CAMK4: variants seen among roughly 807,000 people sequenced by gnomAD.
The protein encoded by CAMK4 is calcium/calmodulin dependent protein kinase IV, also known as calcium/calmodulin-dependent protein kinase type IV.
CAMK4 carries 22 observed loss-of-function variants against 44.9 expected under a neutral mutation model. The ratio of observed to expected loss-of-function variants is 0.49; its 90% CI spans 0.35 to 0.70. The LOEUF (loss-of-function observed/expected upper bound fraction) is 0.70, where lower values mean the gene tolerates loss of function less well. CAMK4 is among the 30% of genes least tolerant of loss of function. The pLI, the probability that CAMK4 is intolerant of heterozygous loss-of-function variation, is 0.01. For missense variants in CAMK4, 498 were observed against 586.8 expected (o/e 0.85, Z 1.56); for synonymous variants, 218 against 215.4 (o/e 1.01, Z -0.11).
chr5:111,474,238 C>T (rs1197764427), intron 8 of CAMK4, among the ~76,000 whole-genome samples: 1 of 152,188 alleles, frequency 6.6e-6, no homozygotes, highest in Non-Finnish European at 1.5e-5. Context: ...AGTAGGTATA[C>T]TAGTCTACCT....
intron 1 of CAMK4, among the ~76,000 whole-genome samples, chr5:111,239,860 A>G (rs147245422): frequency 1.3e-5 from 2 of 152,358 alleles, no homozygotes; most frequent in African/African-American, 4.8e-5. Flanking sequence ...AGGAGGCCTT[A>G]GTAATTCTCT....
At chr5:111,332,823 A>C (rs999671530) in intron 1 of CAMK4, among the ~76,000 whole-genome samples, 6 of 151,648 alleles carry the variant, frequency 4.0e-5, no homozygotes, top group Admixed American at 6.6e-5. Flanking sequence ...CCATTAGAAA[A>C]TTACAACCAA....
intron 4 of CAMK4, among the ~76,000 whole-genome samples, chr5:111,383,965 C>T (rs1198449627): frequency 1.3e-5 from 2 of 152,128 alleles, no homozygotes; most frequent in African/African-American, 4.8e-5. Flanking sequence ...AATATATAGA[C>T]AGAAGCAAAA....
At chr5:111,302,164 A>T (rs1747747399) in intron 1 of CAMK4, 1 of 152,208 alleles carries the variant, frequency 6.6e-6, no homozygotes. Flanking sequence ...TTAGCTGTAA[A>T]TTAAACATTT....
At chr5:111,382,004 C>T (rs1751435011) in intron 4 of CAMK4, among the ~76,000 whole-genome samples, 1 of 152,082 alleles carries the variant, frequency 6.6e-6, no homozygotes, top group South Asian at 2.1e-4. Context: ...CTTTTAGGGC[C>T]TCACTTTCTT....
intron 5 of CAMK4, among the ~76,000 whole-genome samples, chr5:111,418,371 AT>A (rs1358937840): frequency 1.3e-5 from 2 of 152,126 alleles, no homozygotes; most frequent in African/African-American, 2.4e-5. Context: ...GGACCACAGG[AT>A]GGGGTGAAAT....
chr5:111,267,255 TA>T (rs1750288153), intron 1 of CAMK4, among the ~76,000 whole-genome samples: 1 of 152,218 alleles, frequency 6.6e-6, no homozygotes, highest in African/African-American at 2.4e-5. Context: ...TTCAAGATCG[TA>T]ATTTGGGCCC....
chr5:111,312,273 G>C (rs370312065), intron 1 of CAMK4, among the ~76,000 whole-genome samples: 17 of 152,242 alleles, frequency 1.1e-4, no homozygotes, highest in Admixed American at 6.5e-4. Context: ...ATATCATGGT[G>C]GTTATAGGCG....
chr5:111,382,992 G>C (rs1359526896), intron 4 of CAMK4, among the ~76,000 whole-genome samples: 1 of 152,108 alleles, frequency 6.6e-6, no homozygotes, highest in Admixed American at 6.6e-5. Flanking sequence ...CTTATACTTT[G>C]ATTTGGACTA....
At chr5:111,270,695 T>C (rs1297464240) in intron 1 of CAMK4, among the ~76,000 whole-genome samples, 1 of 152,222 alleles carries the variant, frequency 6.6e-6, no homozygotes, top group Non-Finnish European at 1.5e-5. Flanking sequence ...TCCCCAATTC[T>C]ATTCTTCATG....
At chr5:111,400,017 G>A (rs552190520) in intron 5 of CAMK4, among the ~76,000 whole-genome samples, 3 of 152,260 alleles carry the variant, frequency 2.0e-5, no homozygotes, top group Admixed American at 6.5e-5. Flanking sequence ...TCCAGATAGG[G>A]GTGCCCCACA....
intron 5 of CAMK4, 107 bp from the exon 6 acceptor site, chr5:111,446,579 T>C: frequency 1.6e-6 from 1 of 638,346 alleles, no homozygotes; most frequent in East Asian, 2.8e-5. Flanking sequence ...AGTCATACTA[T>C]GTGTGTTCTT....
intron 5 of CAMK4, among the ~76,000 whole-genome samples, chr5:111,424,480 T>A (rs1396914291): frequency 7.2e-6 from 1 of 139,162 alleles, no homozygotes; most frequent in Non-Finnish European, 1.5e-5. Context: ...AGTCTCGCTC[T>A]GTCGCCCAGG....
chr5:111,224,196 G>A, upstream of CAMK4: 1 of 280,010 alleles, frequency 3.6e-6, no homozygotes, highest in Non-Finnish European at 6.5e-6. This position sits in a 1 kb window ranked among gnomAD's most constrained non-coding sequence, Gnocchi z 5.7. Context: ...AGGAGGGCGG[G>A]TGAGGAGGGA....
At chr5:111,249,384 A>G (rs1174828902) in intron 1 of CAMK4, among the ~76,000 whole-genome samples, 1 of 151,830 alleles carries the variant, frequency 6.6e-6, no homozygotes, top group African/African-American at 2.4e-5. Context: ...GTTAAAAAAT[A>G]TAATCTAAAT....
Position 111,224,819 on chromosome 5 carries a change from A to G in CAMK4, c.161+175A>G, listed in dbSNP as rs375680711. Among the ~76,000 whole-genome samples, 476 of 150,954 alleles carry G rather than the reference A, an allele frequency of 3.2e-3. 4 individuals carry two copies. Among genetic ancestry groups the G allele is most frequent in the African/African-American group, 0.011 (464 of 41,066 alleles). On this transcript the variant is annotated intron_variant, in intron 1 of 10. Transcript: ENST00000282356. The surrounding 1 kb of genome is among the most constrained non-coding windows in gnomAD (Gnocchi z 5.7). ...TTCAGGTGCGGCTCGAGTCCTTCCC[A>G]CCCCACCAGAGCGCCTAGGCCGGTG...
At chr5:111,269,481 G>C (rs886729013) in intron 1 of CAMK4, among the ~76,000 whole-genome samples, 9 of 152,132 alleles carry the variant, frequency 5.9e-5, no homozygotes, top group Non-Finnish European at 1.3e-4. Context: ...ACATCATCTG[G>C]ACCTTCCTGG....
chr5:111,237,877 T>A (rs774013233), intron 1 of CAMK4, among the ~76,000 whole-genome samples: 12 of 152,220 alleles, frequency 7.9e-5, no homozygotes, highest in Non-Finnish European at 1.6e-4. Context: ...GGATATTATT[T>A]AAAAGCCATC....
intron 1 of CAMK4, among the ~76,000 whole-genome samples, chr5:111,291,146 T>C (rs1747236622): frequency 6.6e-6 from 1 of 152,220 alleles, no homozygotes; most frequent in South Asian, 2.1e-4. Flanking sequence ...GATATATTTA[T>C]TATGTGTTCG....
Sources: gnomAD v4.1 joint callset for allele counts (sites outside exome capture counted in the v4.1 genomes callset) on GRCh38, gnomAD v4.1.1 for gene constraint, Gnocchi (gnomAD v3.1) non-coding constraint, MANE v1.5 for transcripts, NCBI Gene and HGNC (gene_info 2026-07-23, HGNC 2026-07-21) for gene names.